SUPV3L1: variants seen among roughly 807,000 people sequenced by gnomAD.
SUPV3L1 encodes the protein Suv3 like RNA helicase, also known as ATP-dependent RNA helicase SUPV3L1, mitochondrial.
SUPV3L1 carries 35 observed loss-of-function variants against 70.0 expected under a neutral mutation model. The observed-to-expected ratio is 0.50, with a 90% CI of 0.38 to 0.66. The LOEUF (loss-of-function observed/expected upper bound fraction) is 0.66. Ranked by LOEUF, SUPV3L1 falls within the 30% of genes least tolerant of loss-of-function variation. The pLI is 0.00. For synonymous variants in SUPV3L1, 364 were observed against 341.9 expected (o/e 1.06, Z -0.71); for missense variants, 777 against 961.5 (o/e 0.81, Z 2.54).
chr10:69,202,368 T>C (rs568694186), intron 11 of SUPV3L1, 71 bp from the exon 12 acceptor site: 1 of 1,407,234 alleles, frequency 7.1e-7, no homozygotes, highest in South Asian at 1.2e-5. Context: ...TATCGTGCAA[T>C]AACTTAAGAA....
At chr10:69,194,916 A>C (rs1484208053) in intron 6 of SUPV3L1, among the ~76,000 whole-genome samples, 2 of 152,178 alleles carry the variant, frequency 1.3e-5, no homozygotes, top group African/African-American at 4.8e-5. Context: ...TTAACTGTAT[A>C]ACTTAAGGCA....
intron 13 of SUPV3L1, among the ~76,000 whole-genome samples, chr10:69,204,018 T>G (rs1842757400): frequency 4.6e-5 from 7 of 152,024 alleles, no homozygotes; most frequent in Admixed American, 3.9e-4. Context: ...AGCCACCTAG[T>G]CCAGCCTAAT....
Position 69,191,753 on chromosome 10 carries a change from T to C in SUPV3L1, c.840T>C (p.Ser280=). Residue 280 remains serine (S), a synonymous_variant, in exon 6 of 15, where the codon AGT becomes AGC. Coordinates refer to ENST00000359655, the MANE Select transcript of SUPV3L1 (RefSeq NM_003171.5). The stretch of plus-strand genomic sequence containing the variant: ...TTTCTTGTACAGTTGAGATGTGCAG[T>C]GTTACAACTCCTTGTATGTATATGC... ...SHVSCTVEMC[S]VTTPYEVAVI... is the part of the protein sequence containing the mutation. 6.2e-7 allele frequency: 1 copy of C among 1,612,870 alleles called. No homozygotes were observed. Among genetic ancestry groups the C allele is most frequent in the Non-Finnish European group, 8.5e-7 (1 of 1,178,948 alleles).
At chr10:69,191,558 A>T (rs1482722490) in intron 5 of SUPV3L1, 97 bp from the exon 6 acceptor site, 1 of 999,284 alleles carries the variant, frequency 1.0e-6, no homozygotes, top group Non-Finnish European at 1.5e-6. Context: ...TGTGAAACAA[A>T]CTAATTTGGT....
At chr10:69,189,458 G>C (rs750629861) in intron 5 of SUPV3L1, 23 bp downstream of exon 5, 4 of 1,543,378 alleles carry the variant, frequency 2.6e-6, no homozygotes, top group East Asian at 2.3e-5. Context: ...CCAAATATTT[G>C]CTCATTTTTT....
In SUPV3L1 at chr10:69,187,412, T is replaced by G. The variant is rs574686944; in HGVS notation, c.458-230T>G. 5.0e-4 allele frequency: 84 copies of G among 167,492 alleles called. 1 individual carries two copies. Among genetic ancestry groups the G allele is most frequent in the African/African-American group, 2.1e-3 (80 of 38,222 alleles). 10.4% of individuals were successfully genotyped at this position (167,492 alleles called of 1,614,324 possible). On this transcript the variant is annotated intron_variant, in intron 3 of 14. Coordinates refer to ENST00000359655, the MANE Select transcript of SUPV3L1 (RefSeq NM_003171.5). The stretch of plus-strand genomic sequence containing the variant: ...CACCCAGGCTCTGGAGTGCAGTGGC[T>G]CAGTCTCAGCTCAGTGTGTAGCCTC...
chr10:69,197,900 A>G (rs1271779557), intron 8 of SUPV3L1, among the ~76,000 whole-genome samples: 1 of 152,190 alleles, frequency 6.6e-6, no homozygotes, highest in East Asian at 1.9e-4. Context: ...TTTTGTGCTC[A>G]GTTTTCAAGG....
intron 11 of SUPV3L1, 22 bp from the exon 12 acceptor site, chr10:69,202,417 T>A: frequency 6.3e-7 from 1 of 1,594,146 alleles, no homozygotes; most frequent in Non-Finnish European, 8.5e-7. Flanking sequence ...CAGCTTATGA[T>A]TGTTTTTTCT....
At chr10:69,182,053 G>A (rs1435439427) in intron 1 of SUPV3L1, among the ~76,000 whole-genome samples, 1 of 148,954 alleles carries the variant, frequency 6.7e-6, no homozygotes, top group Admixed American at 6.7e-5. Flanking sequence ...GGAGTATAGT[G>A]GTATGATCAT....
intron 5 of SUPV3L1, among the ~76,000 whole-genome samples, chr10:69,190,959 A>T (rs1432867422): frequency 6.6e-6 from 1 of 152,046 alleles, no homozygotes; most frequent in Non-Finnish European, 1.5e-5. Flanking sequence ...ATACAGCATT[A>T]ATGTTGGTCC....
chr10:69,196,981 T>C lies in SUPV3L1; in HGVS notation c.932-11T>C. 6.2e-7 allele frequency: 1 copy of C among 1,612,218 alleles called. No homozygotes were observed. The highest frequency in any genetic ancestry group is 8.5e-7 in the Non-Finnish European group (1 of 1,178,770). ...TCTTTAAAATTAAGAAACCCAGTTT[T>C]GCATTGACAGGACTGTGTGCTGAAG... On this transcript the variant is annotated splice_polypyrimidine_tract_variant and intron_variant, in intron 7 of 14. Transcript: ENST00000359655.
chr10:69,205,334 T>C (rs1842796785), intron 13 of SUPV3L1, among the ~76,000 whole-genome samples: 1 of 152,206 alleles, frequency 6.6e-6, no homozygotes, highest in South Asian at 2.1e-4. Flanking sequence ...GAATAGAAGC[T>C]CTTTACTAAG....
At chr10:69,203,500 C>T (rs1310260303) in intron 13 of SUPV3L1, among the ~76,000 whole-genome samples, 2 of 151,804 alleles carry the variant, frequency 1.3e-5, no homozygotes, top group African/African-American at 2.4e-5. Flanking sequence ...CCTGTCTCTA[C>T]TAAAAATACA....
chr10:69,191,823 T>TTC, intron 6 of SUPV3L1, 57 bp downstream of exon 6: 1 of 1,303,116 alleles, frequency 7.7e-7, no homozygotes, highest in African/African-American at 1.5e-5. Flanking sequence ...TTTTTTTTTT[T>TTC]CAAGACAGAG....
chr10:69,188,401 C>G (rs972496627), intron 4 of SUPV3L1, among the ~76,000 whole-genome samples: 2 of 152,164 alleles, frequency 1.3e-5, no homozygotes, highest in Admixed American at 6.5e-5. Context: ...CGGCTCATCC[C>G]AAGTGTTCTT....
chr10:69,202,799 G>A, intron 12 of SUPV3L1, 68 bp from the exon 13 acceptor site: 2 of 1,455,686 alleles, frequency 1.4e-6, no homozygotes, highest in Non-Finnish European at 9.4e-7. Flanking sequence ...ATAGACTTGA[G>A]TATGTTATTC....
chr10:69,180,713 G>A (rs892841164), intron 1 of SUPV3L1, 151 bp downstream of exon 1: 15 of 1,094,478 alleles, frequency 1.4e-5, no homozygotes, highest in Middle Eastern at 2.8e-4. Context: ...TCGCTGGTGT[G>A]TGAGCCCCTC....
chr10:69,207,726 C>A, intron 13 of SUPV3L1, 67 bp from the exon 14 acceptor site: 1 of 1,504,568 alleles, frequency 6.6e-7, no homozygotes, highest in Non-Finnish European at 8.9e-7. Flanking sequence ...TTTTTTTTCT[C>A]TTTCTAATTA....
rs1842270551 is a variant in SUPV3L1 at position 69,187,718 on chromosome 10, T to C, written c.534T>C (p.Asp178=). 5 of 1,612,582 alleles carry C rather than the reference T, an allele frequency of 3.1e-6. No homozygotes were observed. In the East Asian group the frequency reaches 1.1e-4, roughly 36 times the overall value. The change falls in exon 4 of 15, where the codon GAT becomes GAC. Residue 178 remains aspartate (D), a synonymous_variant. Transcript: ENST00000359655. ...QIFPVLDCKD[D]LRKISDLRIP... The stretch of plus-strand genomic sequence containing the variant: ...TTCCTGTGTTGGACTGTAAGGATGA[T>C]CTACGTAAAATCAGTGACTTAAGAA...
Sources: allele counts gnomAD v4.1 joint callset (sites outside exome capture counted in the v4.1 genomes callset), GRCh38; gene constraint gnomAD v4.1.1; transcripts MANE v1.5; gene names NCBI Gene and HGNC (gene_info 2026-07-23, HGNC 2026-07-21).